Variants in KAZN observed in about 807,000 individuals in gnomAD.
KAZN encodes kazrin.
In KAZN, 40 loss-of-function variants were observed where a neutral mutation model predicts 87.4. The observed-to-expected ratio is 0.46, with a 90% CI of 0.36 to 0.60. The LOEUF (loss-of-function observed/expected upper bound fraction) is 0.60, where lower values mean the gene tolerates loss of function less well. Ranked by LOEUF, KAZN falls within the 20% of genes least tolerant of loss-of-function variation. The probability of loss-of-function intolerance (pLI) is 0.00; values close to 1 mark genes in which losing one functional copy is unlikely to be tolerated. For missense variants in KAZN, 898 were observed against 1,073.9 expected, an observed-to-expected ratio of 0.84 and a Z score of 2.29; for synonymous variants, 466 against 458.3, an observed-to-expected ratio of 1.02 and a Z score of -0.22.
At chr1:14,287,680 C>T (rs1239517464) in intron 2 of KAZN, among the ~76,000 whole-genome samples, 1 of 152,180 alleles carries the variant, frequency 6.6e-6, no homozygotes, top group Non-Finnish European at 1.5e-5. Flanking sequence ...ATTTCTTTCT[C>T]TTGCTGATTG....
At chr1:14,300,611 AT>A (rs765527296) in intron 2 of KAZN, among the ~76,000 whole-genome samples, 24 of 152,204 alleles carry the variant, frequency 1.6e-4, no homozygotes, top group Non-Finnish European at 3.2e-4. Context: ...AGGAAAATCA[AT>A]CAAAAGCGTG....
At chr1:14,871,763 T>A (rs1652167377) in intron 1 of KAZN, among the ~76,000 whole-genome samples, 1 of 151,942 alleles carries the variant, frequency 6.6e-6, no homozygotes, top group Admixed American at 6.6e-5. Context: ...AGGCATAGTA[T>A]CCTGATTGAC....
rs755270036 is a variant in KAZN at position 14,556,345 on chromosome 1, G to A, written c.250-42638G>A. ...AGGATGGTCTCGATCTCCTGACCTC[G>A]TGATCCACACGCCTCGGCCACCCAA... On this transcript the variant is annotated intron_variant, in intron 2 of 16. Coordinates refer to the KAZN transcript ENST00000636203. Among the ~76,000 whole-genome samples, 6 of 151,976 alleles carry A rather than the reference G, an allele frequency of 3.9e-5. No individual in the cohort carries two copies. The South Asian group carries it at 6.2e-4, about 16-fold the overall frequency.
At chr1:14,278,864 T>G (rs1329887296) in intron 2 of KAZN, among the ~76,000 whole-genome samples, 1 of 150,674 alleles carries the variant, frequency 6.6e-6, no homozygotes, top group Non-Finnish European at 1.5e-5. Context: ...GACATTTTCT[T>G]CCCTCCTCTG....
intron 1 of KAZN, among the ~76,000 whole-genome samples, chr1:14,917,462 G>A (rs554832799): frequency 5.6e-4 from 86 of 152,264 alleles, no homozygotes; most frequent in South Asian, 1.7e-3. Context: ...AGTGTGTCCC[G>A]CTCAGAAGCC....
intron 2 of KAZN, among the ~76,000 whole-genome samples, chr1:14,322,701 G>A (rs1401939610): frequency 6.6e-6 from 1 of 152,204 alleles, no homozygotes; most frequent in Admixed American, 6.5e-5. Context: ...TTTGAGCCAT[G>A]GAAGGGAGAG....
chr1:14,534,103 C>A (rs1045417447), intron 2 of KAZN, among the ~76,000 whole-genome samples: 2 of 152,052 alleles, frequency 1.3e-5, no homozygotes, highest in African/African-American at 4.8e-5. Context: ...AGACCAAGGA[C>A]GGAGGTGCAT....
intron 2 of KAZN, among the ~76,000 whole-genome samples, chr1:14,198,348 C>T (rs575710742): frequency 1.8e-4 from 28 of 152,208 alleles, no homozygotes; most frequent in African/African-American, 6.3e-4. Context: ...ACCTGTAATC[C>T]CAGCACTTTG....
chr1:14,971,425 T>C (rs575684513), intron 2 of KAZN, among the ~76,000 whole-genome samples: 1 of 152,154 alleles, frequency 6.6e-6, no homozygotes, highest in East Asian at 1.9e-4. Flanking sequence ...AAAGAAAATC[T>C]TCTACGGCCT....
intron 1 of KAZN, among the ~76,000 whole-genome samples, chr1:14,778,717 T>C (rs928531774): frequency 6.6e-6 from 1 of 152,128 alleles, no homozygotes; most frequent in African/African-American, 2.4e-5. Flanking sequence ...CCCAGTATTT[T>C]TATACCACCC....
At chr1:14,476,443 C>T (rs1285986221) in intron 2 of KAZN, among the ~76,000 whole-genome samples, 1 of 152,134 alleles carries the variant, frequency 6.6e-6, no homozygotes, top group Non-Finnish European at 1.5e-5. Flanking sequence ...GTGAGGGCGA[C>T]CTTTATTAGA....
intron 2 of KAZN, among the ~76,000 whole-genome samples, chr1:14,197,836 T>C (rs1646560235): frequency 6.6e-6 from 1 of 152,082 alleles, no homozygotes; most frequent in Non-Finnish European, 1.5e-5. Context: ...GGAATAAACA[T>C]GAGCGTTCTA....
intron 1 of KAZN, among the ~76,000 whole-genome samples, chr1:14,765,907 A>T (rs1341208678): frequency 6.6e-6 from 1 of 152,154 alleles, no homozygotes; most frequent in Non-Finnish European, 1.5e-5. Flanking sequence ...TCACACCAGA[A>T]GCCCGTCTGT....
At chr1:14,600,966 G>GTTAAATT (rs1557828404) in intron 1 of KAZN, among the ~76,000 whole-genome samples, 2 of 152,196 alleles carry the variant, frequency 1.3e-5, no homozygotes, top group Non-Finnish European at 2.9e-5. Context: ...ACATACTCGC[G>GTTAAATT]GATGGTTAAA....
At chr1:14,679,398 T>A (rs766364513) in intron 1 of KAZN, among the ~76,000 whole-genome samples, 3 of 152,132 alleles carry the variant, frequency 2.0e-5, no homozygotes, top group Non-Finnish European at 2.9e-5. Flanking sequence ...TCCCTTTTTG[T>A]TGAATGCCTG....
rs149657366 is a variant in KAZN at position 14,433,833 on chromosome 1, G to A, written c.250-165150G>A. On this transcript the variant is annotated intron_variant, in intron 2 of 16. Transcript: ENST00000636203. The stretch of plus-strand genomic sequence containing the variant: ...AGAGATGGTGTCACTGCACTCCAGC[G>A]TGAGCAACTGAGTGAGACTCTGTCT... 6.9e-4 allele frequency among the ~76,000 whole-genome samples: 105 copies of A among 152,316 alleles called. 2 individuals are homozygous for A. The East Asian group carries it at 0.012, about 17-fold the overall frequency.
rs867515972 is a variant in KAZN at position 14,857,682 on chromosome 1, C to T, written c.227-103002C>T. On this transcript the variant is annotated intron_variant, in intron 1 of 14. Coordinates refer to ENST00000376030, the MANE Select transcript of KAZN (RefSeq NM_201628.3). ...ACTTTCTCCCAATGAAATGTTTTGT[C>T]GCTTTATTTCCCCTTAGGCTATTTT... Among the ~76,000 whole-genome samples the T allele has an allele frequency of 1.3e-4, 20 of 152,260 alleles. 1 individual carries two copies. The Middle Eastern group carries it at 0.02, about 155-fold the overall frequency.
intron 2 of KAZN, among the ~76,000 whole-genome samples, chr1:14,257,943 TAAAA>T (rs529361900): frequency 2.2e-5 from 1 of 45,518 alleles, no homozygotes; most frequent in African/African-American, 5.9e-5. Flanking sequence ...TAGAGTATAA[TAAAA>T]AAAAAAAACA....
intron 1 of KAZN, among the ~76,000 whole-genome samples, chr1:13,940,610 C>A (rs1010235162): frequency 6.6e-6 from 1 of 152,090 alleles, no homozygotes; most frequent in Non-Finnish European, 1.5e-5. Flanking sequence ...TCAATGACAA[C>A]TCTAGAGTTG....
Sources: allele counts gnomAD v4.1 joint callset (sites outside exome capture counted in the v4.1 genomes callset), GRCh38; gene constraint gnomAD v4.1.1; transcripts MANE v1.5; gene names NCBI Gene and HGNC (gene_info 2026-07-23, HGNC 2026-07-21).